The following MYO3B variants were observed in gnomAD, a reference collection of about 807,000 sequenced individuals.
MYO3B encodes myosin-IIIb.
MYO3B carries 156 observed loss-of-function variants against 174.6 expected under a neutral mutation model. The ratio of observed to expected loss-of-function variants is 0.89; its 90% CI spans 0.78 to 1.02. The LOEUF (loss-of-function observed/expected upper bound fraction) is 1.02, where lower values mean the gene tolerates loss of function less well. MYO3B is among the 50% of genes least tolerant of loss of function. The pLI is 0.00. For synonymous variants in MYO3B, 563 were observed against 569.1 expected (o/e 0.99, Z 0.15); for missense variants, 1,632 against 1,639.4 (o/e 1.00, Z 0.08).
intron 8 of MYO3B, among the ~76,000 whole-genome samples, chr2:170,337,517 C>T (rs1352342975): frequency 2.0e-5 from 3 of 152,094 alleles, no homozygotes; most frequent in East Asian, 1.9e-4. Context: ...AAACTAAGCT[C>T]GGTGTTCCTT....
chr2:170,520,468 T>C (rs908967602), intron 30 of MYO3B, among the ~76,000 whole-genome samples: 1 of 151,062 alleles, frequency 6.6e-6, no homozygotes, highest in African/African-American at 2.4e-5. Context: ...TACACACACA[T>C]ATATATACAC....
intron 32 of MYO3B, among the ~76,000 whole-genome samples, chr2:170,563,355 C>T (rs2106258910): frequency 6.6e-6 from 1 of 152,222 alleles, no homozygotes; most frequent in African/African-American, 2.4e-5. Context: ...AAGAAGAGAG[C>T]ATGGCATCTG....
intron 22 of MYO3B, among the ~76,000 whole-genome samples, chr2:170,412,614 A>G (rs2094552960): frequency 6.6e-6 from 1 of 152,166 alleles, no homozygotes; most frequent in Admixed American, 6.5e-5. Context: ...TAACACCTTC[A>G]CTGCTGAAAT....
At chr2:170,613,272 A>G (rs1695230969) in intron 32 of MYO3B, among the ~76,000 whole-genome samples, 1 of 152,180 alleles carries the variant, frequency 6.6e-6, no homozygotes, top group Non-Finnish European at 1.5e-5. Context: ...GCCAGCTCTT[A>G]GTTCCCACCC....
chr2:170,624,168 T>C lies in MYO3B; in HGVS notation c.3734-27460T>C, dbSNP rs547550500. Among the ~76,000 whole-genome samples, 57 of 152,332 alleles carry C rather than the reference T, an allele frequency of 3.7e-4. No individual in the cohort carries two copies. The South Asian group carries it at 0.012, about 32-fold the overall frequency. ...CATCTATAAATTACCTAGGGCAGTA[T>C]GGTCATTTTCACAATATTGATTCTT... On this transcript the variant is annotated intron_variant, in intron 32 of 34. Coordinates refer to ENST00000408978, the MANE Select transcript of MYO3B (RefSeq NM_138995.5).
chr2:170,593,173 C>T (rs528207500), intron 32 of MYO3B, among the ~76,000 whole-genome samples: 3 of 152,256 alleles, frequency 2.0e-5, no homozygotes, highest in Admixed American at 6.5e-5. Context: ...TCATAGATCA[C>T]TGCAACCTCA....
chr2:170,618,835 T>C (rs1695638283), intron 32 of MYO3B, among the ~76,000 whole-genome samples: 1 of 152,196 alleles, frequency 6.6e-6, no homozygotes, highest in African/African-American at 2.4e-5. Flanking sequence ...TACATTTGTA[T>C]GTAGAAGTAC....
intron 30 of MYO3B, among the ~76,000 whole-genome samples, chr2:170,525,172 A>T (rs1419444668): frequency 6.6e-6 from 1 of 152,212 alleles, no homozygotes; most frequent in Non-Finnish European, 1.5e-5. Context: ...CTCATGGGAA[A>T]GGTGCTCCCA....
rs112628224 is a variant in MYO3B at position 170,448,086 on chromosome 2, T to C, written c.2730+4040T>C. Among the ~76,000 whole-genome samples, 353 of 152,314 alleles carry C rather than the reference T, an allele frequency of 2.3e-3. 2 individuals are homozygous for C. The highest frequency in any genetic ancestry group is 8.3e-3 in the African/African-American group (344 of 41,558). The stretch of plus-strand genomic sequence containing the variant: ...GTCTTGCAGCCTCCAGCTGCTTGAC[T>C]CCTATACCATAATTTCTAATCTTGT... On this transcript the variant is annotated intron_variant, in intron 23 of 34. Transcript: ENST00000408978.
At chr2:170,524,046 G>A (rs1271802353) in intron 30 of MYO3B, among the ~76,000 whole-genome samples, 5 of 152,194 alleles carry the variant, frequency 3.3e-5, no homozygotes, top group African/African-American at 9.7e-5. Context: ...AAATCAGAGG[G>A]AAGAGTTCAT....
At chr2:170,538,935 T>A (rs1162271293) in intron 30 of MYO3B, among the ~76,000 whole-genome samples, 1 of 152,226 alleles carries the variant, frequency 6.6e-6, no homozygotes, top group Admixed American at 6.5e-5. Flanking sequence ...GAGGACAGTG[T>A]TATTTGTTAA....
At chr2:170,260,394 T>C (rs2093336860) in intron 7 of MYO3B, among the ~76,000 whole-genome samples, 1 of 152,228 alleles carries the variant, frequency 6.6e-6, no homozygotes, top group African/African-American at 2.4e-5. Flanking sequence ...TAAAATCATG[T>C]TCTTTGCAGC....
intron 32 of MYO3B, among the ~76,000 whole-genome samples, chr2:170,612,458 A>G (rs1159472576): frequency 6.6e-6 from 1 of 152,132 alleles, no homozygotes; most frequent in African/African-American, 2.4e-5. Flanking sequence ...TATTACCCCT[A>G]TTGTTTATTG....
rs1175150438 is a variant in MYO3B, at chr2:170,453,437, C to G, written c.2730+9391C>G. 2.2e-5 allele frequency among the ~76,000 whole-genome samples: 3 copies of G among 137,440 alleles called. No individual in the cohort carries two copies. The East Asian group carries it at 6.6e-4, about 30-fold the overall frequency. The allele number at this position is 137,440 out of a possible 152,430, so 90.2% of individuals were successfully genotyped here. On this transcript the variant is annotated intron_variant, in intron 23 of 34. Coordinates refer to ENST00000408978, the MANE Select transcript of MYO3B (RefSeq NM_138995.5). ...ACACACACACACACACACACACACA[C>G]ACACACACACACACACGAGAGAGAG...
intron 3 of MYO3B, among the ~76,000 whole-genome samples, chr2:170,201,705 C>T (rs571381408): frequency 1.3e-5 from 2 of 151,660 alleles, no homozygotes; most frequent in South Asian, 2.1e-4. Context: ...GTTTTATTAA[C>T]TCCCCCACCC....
intron 7 of MYO3B, among the ~76,000 whole-genome samples, chr2:170,253,658 T>C (rs1481864666): frequency 1.3e-5 from 2 of 151,954 alleles, no homozygotes; most frequent in Non-Finnish European, 2.9e-5. Flanking sequence ...CCCACATTTA[T>C]AGATAAGAAA....
At chr2:170,439,724 A>G (rs2094785061) in intron 22 of MYO3B, among the ~76,000 whole-genome samples, 1 of 152,216 alleles carries the variant, frequency 6.6e-6, no homozygotes, top group Non-Finnish European at 1.5e-5. Context: ...TCTGTCGCCC[A>G]GGCTGGAATG....
chr2:170,255,866 G>C (rs11693176), intron 7 of MYO3B, among the ~76,000 whole-genome samples: 2 of 152,172 alleles, frequency 1.3e-5, no homozygotes, highest in East Asian at 3.8e-4. Flanking sequence ...CTCAAGATTC[G>C]AGAGAAAGTT....
intron 32 of MYO3B, among the ~76,000 whole-genome samples, chr2:170,621,095 G>A (rs575575294): frequency 6.6e-6 from 1 of 152,004 alleles, no homozygotes; most frequent in Non-Finnish European, 1.5e-5. Context: ...CACCATCTCG[G>A]CCAGGCTGGT....
Sources: gnomAD v4.1 joint callset for allele counts (sites outside exome capture counted in the v4.1 genomes callset) on GRCh38, gnomAD v4.1.1 for gene constraint, MANE v1.5 for transcripts, NCBI Gene and HGNC (gene_info 2026-07-23, HGNC 2026-07-21) for gene names.